The following PRKAG2 variants were observed in gnomAD, a reference collection of about 807,000 sequenced individuals.
PRKAG2 encodes the protein 5'-AMP-activated protein kinase subunit gamma-2.
In PRKAG2, 26 loss-of-function variants were observed where a neutral mutation model predicts 69.6. That is an observed-to-expected ratio of 0.37 (90% CI 0.27 to 0.52). The LOEUF (loss-of-function observed/expected upper bound fraction) is 0.52. PRKAG2 is among the 20% of genes least tolerant of loss of function. The pLI is 0.90. For missense variants in PRKAG2, 557 were observed against 740.0 expected, an observed-to-expected ratio of 0.75 and a Z score of 2.87; for synonymous variants, 293 against 285.0, an observed-to-expected ratio of 1.03 and a Z score of -0.28.
At chr7:151,646,051 T>C (rs188071955) in intron 4 of PRKAG2, among the ~76,000 whole-genome samples, 5 of 152,338 alleles carry the variant, frequency 3.3e-5, no homozygotes, top group African/African-American at 1.2e-4. Flanking sequence ...ATTTTGTTCA[T>C]TGATTTATAT....
intron 5 of PRKAG2, among the ~76,000 whole-genome samples, chr7:151,623,493 G>A (rs564787186): frequency 5.7e-4 from 86 of 152,118 alleles, no homozygotes; most frequent in Middle Eastern, 6.8e-3. Flanking sequence ...GATAGGAGGC[G>A]GAGCTCGGGA....
intron 3 of PRKAG2, among the ~76,000 whole-genome samples, chr7:151,679,333 CAT>C (rs1327204663): frequency 4.6e-5 from 7 of 152,152 alleles, no homozygotes; most frequent in Non-Finnish European, 7.4e-5. Flanking sequence ...ACCCCAGAGT[CAT>C]ATCCTTCAGT....
rs1806868635 is a variant in PRKAG2 at position 151,568,813 on chromosome 7, T to G, written c.1136A>C (p.Lys379Thr). 6.2e-7 allele frequency: 1 copy of G among 1,613,918 alleles called. No individual in the cohort carries two copies. The highest frequency in any genetic ancestry group is 1.3e-5 in the African/African-American group (1 of 74,936). Reference sequence around the variant, plus strand: ...AACGGGCAATCTGTGGATTTTATTTTTGATCAAGGAGTATACAGCATCGAA... The same window carrying G: ...AACGGGCAATCTGTGGATTTTATTTGTGATCAAGGAGTATACAGCATCGAA... ...SLFDAVYSLI[K>T]NKIHRLPVID... is the part of the protein sequence containing the mutation. The change falls in exon 11 of 16, where the codon AAA (lysine) becomes ACA (threonine). Residue 379 changes from lysine (K) to threonine (T), a missense_variant. Transcript: ENST00000287878.
intron 5 of PRKAG2, among the ~76,000 whole-genome samples, chr7:151,604,281 C>T (rs1175586197): frequency 3.3e-5 from 5 of 152,168 alleles, no homozygotes; most frequent in African/African-American, 4.8e-5. Context: ...AAATGTGTTT[C>T]CCCATCATCA....
At chr7:151,793,425 T>C (rs1243493507) in intron 1 of PRKAG2, among the ~76,000 whole-genome samples, 5 of 152,224 alleles carry the variant, frequency 3.3e-5, no homozygotes, top group Non-Finnish European at 5.9e-5. Flanking sequence ...TCTCAACTGA[T>C]TGTTCAGCTC....
At chr7:151,857,323 G>C (rs1236191181) in intron 1 of PRKAG2, among the ~76,000 whole-genome samples, 1 of 149,352 alleles carries the variant, frequency 6.7e-6, no homozygotes, top group Non-Finnish European at 1.5e-5. Context: ...GCACAAATGA[G>C]GAATGAGGCC....
chr7:151,872,227 G>A (rs1009531915), intron 1 of PRKAG2, among the ~76,000 whole-genome samples: 3 of 152,066 alleles, frequency 2.0e-5, no homozygotes, highest in South Asian at 2.1e-4. Flanking sequence ...CACGTCCCAC[G>A]TCTGCCCTTC....
chr7:151,876,053 T>C (rs2080392183), intron 1 of PRKAG2, among the ~76,000 whole-genome samples: 1 of 135,444 alleles, frequency 7.4e-6, no homozygotes, highest in African/African-American at 2.8e-5. Flanking sequence ...CCCGCTGCTT[T>C]CCCCACCCAC....
At chr7:151,729,008 C>T (rs1386053771) in intron 3 of PRKAG2, among the ~76,000 whole-genome samples, 2 of 152,104 alleles carry the variant, frequency 1.3e-5, no homozygotes, top group Non-Finnish European at 2.9e-5. Context: ...AGCCGCCTGG[C>T]CTGCTGAGTG....
At chr7:151,705,451 G>A (rs1838425280) in intron 3 of PRKAG2, among the ~76,000 whole-genome samples, 1 of 152,120 alleles carries the variant, frequency 6.6e-6, no homozygotes, top group South Asian at 2.1e-4. Flanking sequence ...CCGGTATGCC[G>A]AACACGCAGC....
At chr7:151,615,323 T>C (rs1819850243) in intron 5 of PRKAG2, among the ~76,000 whole-genome samples, 1 of 152,242 alleles carries the variant, frequency 6.6e-6, no homozygotes, top group Admixed American at 6.5e-5. Context: ...TTGTGAATAG[T>C]GCTGCAATGG....
At chr7:151,847,383 T>C (rs2079458483) in intron 1 of PRKAG2, among the ~76,000 whole-genome samples, 1 of 152,182 alleles carries the variant, frequency 6.6e-6, no homozygotes. Flanking sequence ...GGCAGGTGGC[T>C]CTTAGCTGAC....
intron 3 of PRKAG2, among the ~76,000 whole-genome samples, chr7:151,722,708 C>T (rs141941461): frequency 0.01 from 1,525 of 152,152 alleles, 26 homozygotes; most frequent in African/African-American, 0.035. Flanking sequence ...GAGTGTGCAC[C>T]GCCGCCTCCC....
intron 3 of PRKAG2, among the ~76,000 whole-genome samples, chr7:151,773,162 G>T (rs10262686): frequency 0.46 from 60,738 of 132,782 alleles, 14,067 homozygotes; most frequent in East Asian, 0.69. Flanking sequence ...GGAAGGAAGG[G>T]AAGCAAGGAA....
Position 151,827,659 on chromosome 7 carries a change from T to C in PRKAG2, c.115-41118A>G, listed in dbSNP as rs2078930897. ...CGCTCATTTTACATAAAGAGAAATA[T>C]GCTTTTTACCAGGAAAAGGTCCTGG... On this transcript the variant is annotated intron_variant, in intron 1 of 15. Coordinates refer to ENST00000287878, the MANE Select transcript of PRKAG2 (RefSeq NM_016203.4). Among the ~76,000 whole-genome samples the C allele has an allele frequency of 3.4e-5, 5 of 146,406 alleles. No homozygotes were observed. The Admixed American group carries it at 3.5e-4, about 10-fold the overall frequency.
At chr7:151,826,710 T>C (rs940006600) in intron 1 of PRKAG2, among the ~76,000 whole-genome samples, 27 of 152,218 alleles carry the variant, frequency 1.8e-4, no homozygotes, top group Non-Finnish European at 3.5e-4. Flanking sequence ...ACGTGATACA[T>C]CCTCAAATAC....
rs1286297785 is a variant in PRKAG2, at chr7:151,829,265, C to G, written c.115-42724G>C. Among the ~76,000 whole-genome samples, 5 of 152,188 alleles carry G rather than the reference C, an allele frequency of 3.3e-5. No individual in the cohort carries two copies. The East Asian group carries it at 5.8e-4, about 18-fold the overall frequency. On this transcript the variant is annotated intron_variant, in intron 1 of 15. Coordinates refer to ENST00000287878, the MANE Select transcript of PRKAG2 (RefSeq NM_016203.4). ...CACGAATGATCAATAAGTATATGAA[C>G]ATAAGCTCAACATTAGTTATCAGGG...
intron 3 of PRKAG2, among the ~76,000 whole-genome samples, chr7:151,776,222 G>C (rs1016762915): frequency 2.0e-5 from 3 of 152,128 alleles, no homozygotes; most frequent in South Asian, 4.1e-4. Context: ...CCATCCCAGG[G>C]GGCTTCTCTG....
chr7:151,726,175 C>T (rs866150829), intron 3 of PRKAG2, among the ~76,000 whole-genome samples: 2 of 152,102 alleles, frequency 1.3e-5, no homozygotes, highest in African/African-American at 4.8e-5. Context: ...ACATGGGGCG[C>T]TGGGGACTGC....
Sources: allele counts gnomAD v4.1 joint callset (sites outside exome capture counted in the v4.1 genomes callset), GRCh38; gene constraint gnomAD v4.1.1; transcripts MANE v1.5; gene names NCBI Gene and HGNC (gene_info 2026-07-23, HGNC 2026-07-21).